The following FGF12 variants were observed in gnomAD, a reference collection of about 807,000 sequenced individuals.
The protein encoded by FGF12 is fibroblast growth factor 12.
In FGF12, 14 loss-of-function variants were observed where a neutral mutation model predicts 23.6. The ratio of observed to expected loss-of-function variants is 0.59; its 90% confidence interval spans 0.39 to 0.93. FGF12 has a LOEUF of 0.93. Ranked by LOEUF, FGF12 falls within the 40% of genes least tolerant of loss-of-function variation. The probability of loss-of-function intolerance (pLI) is 0.00; values close to 1 mark genes in which losing one functional copy is unlikely to be tolerated. For missense variants in FGF12, 175 were observed against 217.8 expected (o/e 0.80, Z 1.24); for synonymous variants, 62 against 77.3 (o/e 0.80, Z 1.04).
chr3:192,718,166 T>A (rs868040045), intron 2 of FGF12, among the ~76,000 whole-genome samples: 1 of 145,608 alleles, frequency 6.9e-6, no homozygotes, highest in South Asian at 2.2e-4. Context: ...TCTTTCTTTT[T>A]TTTTTTTTTT....
intron 2 of FGF12, among the ~76,000 whole-genome samples, chr3:192,606,652 T>C (rs564442997): frequency 1.4e-4 from 21 of 152,306 alleles, no homozygotes; most frequent in African/African-American, 2.9e-4. Context: ...ACAGAGAATC[T>C]TGTAACATTG....
intron 5 of FGF12, among the ~76,000 whole-genome samples, chr3:192,156,993 C>T (rs1427157543): frequency 3.9e-5 from 6 of 152,094 alleles, no homozygotes; most frequent in African/African-American, 9.7e-5. Flanking sequence ...TAGATTGAAA[C>T]GGAGAGATTT....
intron 4 of FGF12, among the ~76,000 whole-genome samples, chr3:192,269,402 C>T (rs975382272): frequency 2.6e-5 from 4 of 152,098 alleles, no homozygotes; most frequent in Admixed American, 2.0e-4. Flanking sequence ...ATTTGTTGAT[C>T]GTATACACAG....
At chr3:192,721,359 AG>A (rs1719033737) in intron 2 of FGF12, among the ~76,000 whole-genome samples, 1 of 152,168 alleles carries the variant, frequency 6.6e-6, no homozygotes, top group South Asian at 2.1e-4. Context: ...AGAGAAACAG[AG>A]GTAAGATGAG....
intron 2 of FGF12, among the ~76,000 whole-genome samples, chr3:192,396,392 T>C (rs35261359): frequency 0.012 from 1,879 of 152,302 alleles, 19 homozygotes; most frequent in Non-Finnish European, 0.019. Context: ...ACCCAACATT[T>C]ATATTGCTCC....
At chr3:192,660,883 G>C (rs1447296347) in intron 2 of FGF12, among the ~76,000 whole-genome samples, 1 of 151,400 alleles carries the variant, frequency 6.6e-6, no homozygotes, top group Non-Finnish European at 1.5e-5. Context: ...AAACATTTGG[G>C]GGTGGGGGTG....
intron 2 of FGF12, among the ~76,000 whole-genome samples, chr3:192,677,578 G>C (rs1432400491): frequency 6.6e-6 from 1 of 152,094 alleles, no homozygotes; most frequent in East Asian, 1.9e-4. Flanking sequence ...GATACAAAAG[G>C]CTCCAAAGAA....
intron 2 of FGF12, among the ~76,000 whole-genome samples, chr3:192,683,426 TGGTG>T (rs1417362138): frequency 2.0e-5 from 3 of 152,190 alleles, no homozygotes; most frequent in South Asian, 2.1e-4. Context: ...TGGTGTGCTG[TGGTG>T]GCAGCATCGG....
chr3:192,267,038 A>G (rs1366400049), intron 4 of FGF12: 1 of 152,196 alleles, frequency 6.6e-6, no homozygotes, highest in African/African-American at 2.4e-5. Context: ...GTTTCATGCT[A>G]ATTTAAATTT....
intron 4 of FGF12, among the ~76,000 whole-genome samples, chr3:192,305,543 C>T (rs1022076450): frequency 1.3e-5 from 2 of 151,786 alleles, no homozygotes; most frequent in Non-Finnish European, 2.9e-5. Flanking sequence ...ACACACACCT[C>T]AGCCAATATT....
intron 2 of FGF12, among the ~76,000 whole-genome samples, chr3:192,667,574 G>A (rs962889883): frequency 7.3e-6 from 1 of 136,454 alleles, no homozygotes; most frequent in Non-Finnish European, 1.5e-5. Flanking sequence ...CGCTGCCACT[G>A]CACTCCAGCC....
In FGF12 at chr3:192,408,042, G is replaced by C; in HGVS notation, c.14-47504C>G. ...CTACTGACCTGGTCTCCGCCTCACC[G>C]GCCTCTTGCGGCCGCTGCAGAAGCG... is the stretch of plus-strand genomic sequence containing the variant. On this transcript the variant is annotated intron_variant, in intron 2 of 5. Transcript: ENST00000445105. The surrounding 1 kb of genome is among the most constrained non-coding windows in gnomAD (Gnocchi z 7.3). 2.5e-6 allele frequency: 4 copies of C among 1,611,614 alleles called. No individual in the cohort carries two copies. The highest frequency in any genetic ancestry group is 3.4e-6 in the Non-Finnish European group (4 of 1,179,460).
chr3:192,697,046 C>T (rs1211316956), intron 2 of FGF12, among the ~76,000 whole-genome samples: 2 of 151,774 alleles, frequency 1.3e-5, no homozygotes, highest in African/African-American at 4.8e-5. Flanking sequence ...GGCTTCCCCA[C>T]CCTCCCCCGC....
intron 4 of FGF12, among the ~76,000 whole-genome samples, chr3:192,286,040 A>G (rs1714427005): frequency 6.6e-6 from 1 of 152,056 alleles, no homozygotes; most frequent in African/African-American, 2.4e-5. Context: ...TGGCAGGCTT[A>G]GAGAAGGCCA....
At chr3:192,415,652 C>G (rs1413671334) in intron 2 of FGF12, among the ~76,000 whole-genome samples, 4 of 150,800 alleles carry the variant, frequency 2.7e-5, no homozygotes, top group Non-Finnish European at 5.9e-5. Flanking sequence ...TACATGGTAC[C>G]TAGGTTTCTG....
intron 2 of FGF12, among the ~76,000 whole-genome samples, chr3:192,525,433 T>C (rs2108848081): frequency 6.6e-6 from 1 of 152,332 alleles, no homozygotes; most frequent in Non-Finnish European, 1.5e-5. Flanking sequence ...TCTTGCTAAC[T>C]TATCTCCAAT....
intron 2 of FGF12, among the ~76,000 whole-genome samples, chr3:192,439,391 C>T (rs1408926958): frequency 6.6e-6 from 1 of 152,184 alleles, no homozygotes; most frequent in Non-Finnish European, 1.5e-5. Context: ...TCAAACTTTT[C>T]TCCATGTAAT....
chr3:192,404,162 T>C (rs1201670115), intron 2 of FGF12, among the ~76,000 whole-genome samples: 3 of 152,228 alleles, frequency 2.0e-5, no homozygotes, highest in African/African-American at 7.2e-5. Context: ...TGATTGATTA[T>C]TCTTTTCATG....
intron 2 of FGF12, among the ~76,000 whole-genome samples, chr3:192,606,007 C>T (rs1671747006): frequency 6.6e-6 from 1 of 152,152 alleles, no homozygotes; most frequent in Non-Finnish European, 1.5e-5. Flanking sequence ...ACCCAGCAAT[C>T]CCCATTACTG....
Sources: allele counts gnomAD v4.1 joint callset (sites outside exome capture counted in the v4.1 genomes callset), GRCh38; gene constraint gnomAD v4.1.1; non-coding constraint Gnocchi (gnomAD v3.1); transcripts MANE v1.5; gene names NCBI Gene and HGNC (gene_info 2026-07-23, HGNC 2026-07-21).